The following CFAP299 variants were observed in gnomAD, a reference collection of about 807,000 sequenced individuals.
The protein encoded by CFAP299 is cilia and flagella associated protein 299, also known as cilia- and flagella-associated protein 299.
Under a neutral mutation model 27.0 loss-of-function variants are expected in CFAP299, and 21 were observed. The observed-to-expected ratio is 0.78, with a 90% CI of 0.55 to 1.12. The LOEUF (loss-of-function observed/expected upper bound fraction) is 1.12. CFAP299 is among the 50% of genes most tolerant of loss of function. The pLI is 0.00. For synonymous variants in CFAP299, 104 were observed against 98.1 expected, an observed-to-expected ratio of 1.06 and a Z score of -0.36; for missense variants, 310 against 276.6, an observed-to-expected ratio of 1.12 and a Z score of -0.86.
At chr4:80,623,356 C>T (rs1318822124) in intron 3 of CFAP299, among the ~76,000 whole-genome samples, 3 of 151,828 alleles carry the variant, frequency 2.0e-5, no homozygotes, top group Admixed American at 2.0e-4. Flanking sequence ...CTCATGGCAA[C>T]AAACAAAAAT....
Position 80,767,172 on chromosome 4 carries a change from CAT to C in CFAP299, c.334-102820_334-102819del, listed in dbSNP as rs1221196315. Among the ~76,000 whole-genome samples the C allele has an allele frequency of 3.3e-5, 5 of 152,012 alleles. No homozygotes were observed. In the South Asian group the frequency reaches 6.2e-4, roughly 19 times the overall value. ...CTCTATGTACAATATACAATATACA[CAT>C]GTGTATTCCTATATATATAATAAAG... On this transcript the variant is annotated intron_variant, in intron 3 of 5. Transcript: ENST00000358105.
chr4:80,592,140 A>G (rs1290728535), intron 3 of CFAP299, among the ~76,000 whole-genome samples: 1 of 152,198 alleles, frequency 6.6e-6, no homozygotes, highest in African/African-American at 2.4e-5. Flanking sequence ...TAGAATGCAA[A>G]ATGGGGTGGG....
chr4:80,333,127 G>A (rs1423654709), upstream of CFAP299, among the ~76,000 whole-genome samples: 1 of 152,098 alleles, frequency 6.6e-6, no homozygotes, highest in Non-Finnish European at 1.5e-5. Flanking sequence ...GACAAGGCAG[G>A]AGCAAACTCC....
At chr4:80,690,825 G>A (rs1391926186) in intron 3 of CFAP299, among the ~76,000 whole-genome samples, 1 of 150,056 alleles carries the variant, frequency 6.7e-6, no homozygotes, top group African/African-American at 2.4e-5. Context: ...AAAGAGAGAA[G>A]AATCAAATAG....
chr4:80,579,385 C>T (rs912108697), intron 2 of CFAP299, among the ~76,000 whole-genome samples: 6 of 152,110 alleles, frequency 3.9e-5, no homozygotes, highest in African/African-American at 1.4e-4. Context: ...GTCTTTATTC[C>T]AGGCTGCTAC....
intron 2 of CFAP299, among the ~76,000 whole-genome samples, chr4:80,514,789 A>G (rs1732502504): frequency 6.6e-6 from 1 of 152,122 alleles, no homozygotes; most frequent in South Asian, 2.1e-4. Context: ...TATCTAATGG[A>G]GAGAAAAGCA....
At chr4:80,760,927 T>C (rs1393772774) in intron 3 of CFAP299, among the ~76,000 whole-genome samples, 1 of 152,014 alleles carries the variant, frequency 6.6e-6, no homozygotes, top group Non-Finnish European at 1.5e-5. Flanking sequence ...TGGCACAGAG[T>C]GAGAGACAGC....
At chr4:80,374,035 G>A (rs1483047635) in intron 2 of CFAP299, among the ~76,000 whole-genome samples, 1 of 152,070 alleles carries the variant, frequency 6.6e-6, no homozygotes, top group Non-Finnish European at 1.5e-5. Flanking sequence ...GTCTCTCTCT[G>A]AAATTTAGGC....
At chr4:80,885,985 G>C (rs962642100) in intron 4 of CFAP299, among the ~76,000 whole-genome samples, 2 of 152,156 alleles carry the variant, frequency 1.3e-5, no homozygotes, top group Admixed American at 6.5e-5. Context: ...GCCTTGAAGG[G>C]TGAGTCCCAG....
intron 3 of CFAP299, among the ~76,000 whole-genome samples, chr4:80,690,394 C>G (rs1276524377): frequency 6.6e-6 from 1 of 152,146 alleles, no homozygotes; most frequent in South Asian, 2.1e-4. Context: ...GAAACTCACT[C>G]AAAACCACTC....
intron 2 of CFAP299, among the ~76,000 whole-genome samples, chr4:80,456,541 A>G (rs1455521206): frequency 6.6e-6 from 1 of 152,146 alleles, no homozygotes; most frequent in African/African-American, 2.4e-5. Flanking sequence ...TGGTTTGAAT[A>G]TGAGATATGA....
At chr4:80,531,269 C>T (rs1733448984) in intron 2 of CFAP299, among the ~76,000 whole-genome samples, 1 of 152,166 alleles carries the variant, frequency 6.6e-6, no homozygotes, top group South Asian at 2.1e-4. Flanking sequence ...ATAAATCAGG[C>T]ATGCTTTAAA....
intron 3 of CFAP299, among the ~76,000 whole-genome samples, chr4:80,739,862 T>C (rs1724151856): frequency 6.6e-6 from 1 of 152,134 alleles, no homozygotes; most frequent in African/African-American, 2.4e-5. Context: ...TTTTTATTCT[T>C]TTTTCTTTTG....
At chr4:80,951,170 T>C (rs1737757353) in intron 5 of CFAP299, among the ~76,000 whole-genome samples, 1 of 152,176 alleles carries the variant, frequency 6.6e-6, no homozygotes, top group African/African-American at 2.4e-5. Context: ...AGAGTACATC[T>C]TGAATATAGT....
chr4:80,686,930 A>G (rs148487191), intron 3 of CFAP299, among the ~76,000 whole-genome samples: 7 of 152,292 alleles, frequency 4.6e-5, no homozygotes, highest in African/African-American at 7.2e-5. Context: ...ATAGCTTTCA[A>G]ATTAGATGTA....
chr4:80,920,984 A>G (rs1736013605), intron 4 of CFAP299, among the ~76,000 whole-genome samples: 1 of 152,094 alleles, frequency 6.6e-6, no homozygotes, highest in African/African-American at 2.4e-5. Context: ...TAAACGAAGA[A>G]TCATTTTCTT....
chr4:80,789,172 G>GAATAGCTGTTATCTC (rs1223347151), intron 3 of CFAP299, among the ~76,000 whole-genome samples: 3,036 of 151,974 alleles, frequency 0.02, 73 homozygotes, highest in South Asian at 0.059. Context: ...GCTGTTATCT[G>GAATAGCTGTTATCTC]TATAAAAATA....
chr4:80,679,616 A>G (rs1320692830), intron 3 of CFAP299, among the ~76,000 whole-genome samples: 2 of 151,980 alleles, frequency 1.3e-5, no homozygotes, highest in African/African-American at 2.4e-5. Flanking sequence ...ATGGCTACTA[A>G]TAGGTGTATA....
intron 2 of CFAP299, among the ~76,000 whole-genome samples, chr4:80,372,098 G>T (rs957604201): frequency 3.3e-5 from 5 of 152,184 alleles, no homozygotes; most frequent in African/African-American, 9.7e-5. Flanking sequence ...GGCAACATTT[G>T]CTCAGTTTCT....
Sources: gnomAD v4.1 joint callset for allele counts (sites outside exome capture counted in the v4.1 genomes callset) on GRCh38, gnomAD v4.1.1 for gene constraint, MANE v1.5 for transcripts, NCBI Gene and HGNC (gene_info 2026-07-23, HGNC 2026-07-21) for gene names.